The following RYR2 variants were observed in gnomAD, a reference collection of about 807,000 sequenced individuals.
RYR2 encodes ryanodine receptor 2.
In RYR2, 227 loss-of-function variants were observed where a neutral mutation model predicts 601.1. That is an observed-to-expected ratio of 0.38 (90% CI 0.34 to 0.42). The LOEUF is 0.42. Among genes scored for constraint, RYR2 ranks in the 10% least tolerant of loss-of-function variants. The pLI, the probability that RYR2 is intolerant of heterozygous loss-of-function variation, is 1.00. For synonymous variants in RYR2, 2,223 were observed against 2,175.1 expected (o/e 1.02, Z -0.61); for missense variants, 4,646 against 6,156.5 (o/e 0.75, Z 8.21).
intron 1 of RYR2, among the ~76,000 whole-genome samples, chr1:237,127,705 C>T (rs1170002125): frequency 1.6e-4 from 23 of 147,354 alleles, no homozygotes; most frequent in South Asian, 4.4e-4. Context: ...ACCTCCCAGA[C>T]GGGGTCGCGG....
Position 237,784,663 on chromosome 1 carries a change from C to T in RYR2, c.12951C>T (p.Ser4317=). 1 of 1,613,080 alleles carries T rather than the reference C, an allele frequency of 6.2e-7. No individual in the cohort carries two copies. The highest frequency in any genetic ancestry group is 8.5e-7 in the Non-Finnish European group (1 of 1,179,492). The change falls in exon 90 of 105, where the codon AGC becomes AGT. Residue 4317 remains serine, a synonymous_variant. Transcript: ENST00000366574. This position sits in a 1 kb window ranked among gnomAD's most constrained non-coding sequence, Gnocchi z 7.1. ...TTTGCAGCCTGCTGCTTGGGGGAAG[C>T]CTCGTCGAAGGTGCTAAAAAGATCA... is the stretch of plus-strand genomic sequence containing the variant. ...RIICSLLLGG[S]LVEGAKKIKV...
rs75513268 is a variant in RYR2, at chr1:237,053,996, T to G, written c.48+11427T>G. Among the ~76,000 whole-genome samples the G allele has an allele frequency of 7.1e-3, 1,081 of 152,348 alleles. 13 individuals are homozygous for G. Among genetic ancestry groups the G allele is most frequent in the African/African-American group, 0.025 (1,043 of 41,586 alleles). ...TCAGACAGGATAGCTGCAATTCATTTGATTCCTGGAACAATCCATTTAGTC... is the reference window on the plus strand; with the variant it reads ...TCAGACAGGATAGCTGCAATTCATTGGATTCCTGGAACAATCCATTTAGTC... On this transcript the variant is annotated intron_variant, in intron 1 of 104. Coordinates refer to ENST00000366574, the MANE Select transcript of RYR2 (RefSeq NM_001035.3).
At chr1:237,488,391 C>T (rs558330424) in intron 17 of RYR2, among the ~76,000 whole-genome samples, 3 of 152,250 alleles carry the variant, frequency 2.0e-5, no homozygotes, top group South Asian at 2.1e-4. Flanking sequence ...AAAGAAAGTT[C>T]GTCCTCACAT....
At chr1:237,704,844 A>G (rs1289179675) in intron 66 of RYR2, among the ~76,000 whole-genome samples, 1 of 152,142 alleles carries the variant, frequency 6.6e-6, no homozygotes, top group Non-Finnish European at 1.5e-5. Context: ...ATATTTTAAC[A>G]TAAGTCATCC....
intron 16 of RYR2, among the ~76,000 whole-genome samples, chr1:237,464,284 T>C (rs1345432763): frequency 2.0e-5 from 3 of 152,188 alleles, no homozygotes; most frequent in African/African-American, 7.2e-5. Context: ...CGTGCTTTTT[T>C]ATTGTCGTCT....
At chr1:237,122,257 C>T (rs561454248) in intron 1 of RYR2, among the ~76,000 whole-genome samples, 1 of 152,224 alleles carries the variant, frequency 6.6e-6, no homozygotes, top group African/African-American at 2.4e-5. Context: ...CGACCGCTTG[C>T]TGATTTGAAG....
rs149401593 is a variant in RYR2 at position 237,457,628 on chromosome 1, C to T, written c.1612+893C>T. Among the ~76,000 whole-genome samples the T allele has an allele frequency of 6.6e-5, 10 of 152,282 alleles. No homozygotes were observed. The East Asian group carries it at 1.9e-3, about 29-fold the overall frequency. ...TGAGTTACAGAAAAGGAATCCTGAGCTCAGGGAGTGTGAGTTAGTTACACT... is the reference window on the plus strand; with the variant it reads ...TGAGTTACAGAAAAGGAATCCTGAGTTCAGGGAGTGTGAGTTAGTTACACT... On this transcript the variant is annotated intron_variant, in intron 16 of 104. Coordinates refer to ENST00000366574, the MANE Select transcript of RYR2 (RefSeq NM_001035.3).
intron 1 of RYR2, among the ~76,000 whole-genome samples, chr1:237,171,590 G>A (rs1195714811): frequency 6.6e-6 from 1 of 152,122 alleles, no homozygotes; most frequent in Non-Finnish European, 1.5e-5. Context: ...TGAAATTTTG[G>A]CTGATCGCCA....
intron 1 of RYR2, among the ~76,000 whole-genome samples, chr1:237,140,965 A>G (rs1232466053): frequency 6.6e-6 from 1 of 152,192 alleles, no homozygotes; most frequent in Non-Finnish European, 1.5e-5. Flanking sequence ...AGCATAATGC[A>G]ATGGATTTAT....
intron 17 of RYR2, among the ~76,000 whole-genome samples, chr1:237,478,539 C>G (rs1167983878): frequency 6.6e-6 from 1 of 152,202 alleles, no homozygotes; most frequent in Non-Finnish European, 1.5e-5. Flanking sequence ...TTCCCATGTT[C>G]ACACTGCTAA....
At chr1:237,715,280 A>G (rs909402283) in intron 71 of RYR2, among the ~76,000 whole-genome samples, 1 of 152,210 alleles carries the variant, frequency 6.6e-6, no homozygotes, top group African/African-American at 2.4e-5. Context: ...AAGGAGCTGC[A>G]TAGTTTGGGG....
intron 1 of RYR2, among the ~76,000 whole-genome samples, chr1:237,148,426 C>T (rs1008835437): frequency 4.7e-5 from 7 of 150,352 alleles, no homozygotes; most frequent in African/African-American, 1.5e-4. Flanking sequence ...ACCTAGATGA[C>T]GGGTTGATAG....
At chr1:237,156,187 A>C (rs1675310582) in intron 1 of RYR2, among the ~76,000 whole-genome samples, 1 of 152,198 alleles carries the variant, frequency 6.6e-6, no homozygotes, top group Admixed American at 6.5e-5. Context: ...GTGGGACCCC[A>C]CCCAGGTGCT....
intron 1 of RYR2, among the ~76,000 whole-genome samples, chr1:237,124,767 C>T (rs2039690): frequency 0.58 from 87,371 of 151,262 alleles, 25,418 homozygotes; most frequent in Admixed American, 0.61. Context: ...GATGTGGGCC[C>T]TTTTTTTTGG....
chr1:237,770,854 T>A lies in RYR2; in HGVS notation c.11524T>A (p.Phe3842Ile). ...TGAGTTCACCTGTGACCTCTTCCGA[T>A]TCCTGCAACTACTCTGTGAGGGACA... ...DDEFTCDLFRFLQLLCEGHNS... is the reference protein window; with the variant it reads ...DDEFTCDLFRILQLLCEGHNS... Residue 3842 changes from phenylalanine to isoleucine, a missense_variant, in exon 85 of 105, where the codon TTC becomes ATC. This residue lies in a region of RYR2 where 1,497 missense variants were observed against 1,842.6 expected (regional missense o/e 0.81). Coordinates refer to ENST00000366574, the MANE Select transcript of RYR2 (RefSeq NM_001035.3). 6.4e-7 allele frequency: 1 copy of A among 1,552,814 alleles called. No homozygotes were observed. Among genetic ancestry groups the A allele is most frequent in the Non-Finnish European group, 8.7e-7 (1 of 1,146,804 alleles).
chr1:237,727,079 T>G lies in RYR2; in HGVS notation c.10726-8T>G. 1 of 1,352,552 alleles carries G rather than the reference T, an allele frequency of 7.4e-7. No homozygotes were observed. 83.8% of individuals were successfully genotyped at this position (1,352,552 alleles called of 1,614,324 possible). ...GTGTAAATATTTATTTGTGTCATTC[T>G]ACCTCAGGTGGAACATCCTCAGAGA... On this transcript the variant is annotated splice_region_variant and splice_polypyrimidine_tract_variant and intron_variant, in intron 75 of 104. Coordinates refer to ENST00000366574, the MANE Select transcript of RYR2 (RefSeq NM_001035.3).
At chr1:237,773,946 A>G (rs115949925) in intron 87 of RYR2, among the ~76,000 whole-genome samples, 87 of 152,334 alleles carry the variant, frequency 5.7e-4, no homozygotes, top group African/African-American at 1.9e-3. Flanking sequence ...AAGGGCGAGC[A>G]GGCACAACAT....
At chr1:237,359,794 A>G (rs984272752) in intron 4 of RYR2, among the ~76,000 whole-genome samples, 7 of 152,206 alleles carry the variant, frequency 4.6e-5, no homozygotes, top group African/African-American at 1.7e-4. Context: ...TTAAAAGAGA[A>G]TAAAACTCCT....
intron 59 of RYR2, 26 bp downstream of exon 59, chr1:237,674,245 A>T: frequency 6.4e-7 from 1 of 1,568,576 alleles, no homozygotes; most frequent in South Asian, 1.1e-5. Context: ...CCCTAAGTAC[A>T]CACTCTTTTC....
Sources: gnomAD v4.1 joint callset for allele counts (sites outside exome capture counted in the v4.1 genomes callset) on GRCh38, gnomAD v4.1.1 for gene constraint, gnomAD v4.1.1 regional missense constraint, Gnocchi (gnomAD v3.1) non-coding constraint, MANE v1.5 for transcripts, NCBI Gene and HGNC (gene_info 2026-07-23, HGNC 2026-07-21) for gene names.